ZNF568: variants seen among roughly 807,000 people sequenced by gnomAD.
The protein encoded by ZNF568 is p53 inhibitor of SCO2 activation.
In ZNF568, 11 loss-of-function variants were observed where a neutral mutation model predicts 18.1. The ratio of observed to expected loss-of-function variants is 0.61; its 90% CI spans 0.38 to 1.00. The LOEUF is 1.00. Ranked by LOEUF, ZNF568 falls within the 50% of genes least tolerant of loss-of-function variation. The pLI is 0.01. For missense variants in ZNF568, 639 were observed against 768.2 expected, an observed-to-expected ratio of 0.83 and a Z score of 1.99; for synonymous variants, 213 against 246.6, an observed-to-expected ratio of 0.86 and a Z score of 1.28.
intron 6 of ZNF568, among the ~76,000 whole-genome samples, chr19:36,969,144 C>A (rs2074217344): frequency 6.6e-6 from 1 of 152,122 alleles, no homozygotes; most frequent in Admixed American, 6.6e-5. Flanking sequence ...TGTGAGCCAC[C>A]ACACCCAGCC....
At chr19:36,917,064 T>C (rs2073351038) in intron 1 of ZNF568, among the ~76,000 whole-genome samples, 1 of 152,180 alleles carries the variant, frequency 6.6e-6, no homozygotes. Context: ...TGATAATAAT[T>C]ATGTCTAAAA....
intron 4 of ZNF568, among the ~76,000 whole-genome samples, chr19:36,926,586 G>A (rs1600771612): frequency 3.9e-5 from 6 of 151,998 alleles, no homozygotes; most frequent in Admixed American, 3.3e-4. Flanking sequence ...ATGTTGGGAG[G>A]GTTAAATACA....
chr19:36,991,580 AC>A, intron 3 of ZNF568: 1 of 639,548 alleles, frequency 1.6e-6, no homozygotes, highest in East Asian at 2.9e-5. Flanking sequence ...CATATTGCAA[AC>A]TTTTTTTCTA....
chr19:36,996,960 T>A lies in ZNF568; in HGVS notation c.873T>A (p.Tyr291Ter), dbSNP rs1216096527. 1 of 1,539,596 alleles carries A rather than the reference T, an allele frequency of 6.5e-7. No individual in the cohort carries two copies. The highest frequency in any genetic ancestry group is 8.7e-7 in the Non-Finnish European group (1 of 1,147,766). Residue 291 changes from tyrosine to a stop codon, truncating the protein, a stop_gained, in exon 5 of 5, where the codon TAT becomes TAA. Coordinates refer to the ZNF568 transcript ENST00000433993. LOFTEE classifies it low-confidence loss of function (END_TRUNC). ...GGATCCATACTGATGAGAAATACTA[T>A]GAAAGTAAGGCGTGTGGGAAGGCCT... is the stretch of plus-strand genomic sequence containing the variant.
intron 2 of ZNF568, among the ~76,000 whole-genome samples, chr19:36,989,807 A>G (rs1485871753): frequency 6.6e-6 from 1 of 151,952 alleles, no homozygotes; most frequent in East Asian, 1.9e-4. Context: ...TGGCCTCCCA[A>G]AGTGTTGGGA....
chr19:36,963,891 T>C (rs890360522), intron 6 of ZNF568, among the ~76,000 whole-genome samples: 1 of 151,176 alleles, frequency 6.6e-6, no homozygotes, highest in Non-Finnish European at 1.5e-5. Flanking sequence ...CGCTTGAACC[T>C]GGGAGGTGGA....
chr19:36,976,852 G>A (rs533863093), intron 7 of ZNF568, among the ~76,000 whole-genome samples: 15 of 152,192 alleles, frequency 9.9e-5, no homozygotes, highest in African/African-American at 3.6e-4. Context: ...AGAGGTTGTG[G>A]TGAGCCAAGA....
intron 4 of ZNF568, chr19:36,996,280 G>A: frequency 6.9e-7 from 1 of 1,453,914 alleles, no homozygotes; most frequent in Non-Finnish European, 9.1e-7. Flanking sequence ...CCTGCAATGT[G>A]AAAATACCTC....
intron 6 of ZNF568, among the ~76,000 whole-genome samples, chr19:36,972,708 C>T (rs1455261838): frequency 6.6e-6 from 1 of 152,246 alleles, no homozygotes; most frequent in African/African-American, 2.4e-5. Context: ...GTCGCCCTCT[C>T]CTGATCCACC....
Position 36,916,903 on chromosome 19 carries a change from G to T in ZNF568, c.-256+312G>T, listed in dbSNP as rs1314254557. 6.6e-6 allele frequency among the ~76,000 whole-genome samples: 1 copy of T among 152,004 alleles called. No individual in the cohort carries two copies. The highest frequency in any genetic ancestry group is 1.5e-5 in the Non-Finnish European group (1 of 67,998). On this transcript the variant is annotated intron_variant, in intron 1 of 6. Transcript: ENST00000333987. The surrounding 1 kb of genome is among the most constrained non-coding windows in gnomAD (Gnocchi z 5.3). ...TGTTTTCTACTGATCCTCCCTCCTT[G>T]TTGGCCACTCCTCTGTAGTCTTCTT... is the stretch of plus-strand genomic sequence containing the variant.
chr19:36,966,217 T>G (rs2074193673), intron 6 of ZNF568, among the ~76,000 whole-genome samples: 1 of 151,610 alleles, frequency 6.6e-6, no homozygotes, highest in South Asian at 2.1e-4. Context: ...ACTGGGGAGG[T>G]GGAGGTTGCG....
exon 3 of ZNF568, chr19:36,991,298 G>A (rs765652888): frequency 6.5e-7 from 1 of 1,532,888 alleles, no homozygotes; most frequent in South Asian, 1.2e-5. Context: ...TGGTCTTACT[G>A]GGTAACTTTA....
rs200089198 is a variant in ZNF568 at position 36,969,781 on chromosome 19, A to ATT, written c.359-4609_359-4608dup. Among the ~76,000 whole-genome samples, 82 of 77,110 alleles carry ATT rather than the reference A, an allele frequency of 1.1e-3. 2 individuals are homozygous for ATT. The highest frequency in any genetic ancestry group is 1.3e-3 in the Non-Finnish European group (52 of 40,758). The allele number at this position is 77,110 out of a possible 152,430, so 50.6% of individuals were successfully genotyped here. A position where few individuals can be genotyped will look rare whatever the true frequency, so the allele number is the denominator to read the frequency against. On this transcript the variant is annotated intron_variant, in intron 6 of 7. Transcript: ENST00000427117. ...TCCAGCATAATCTTCCCATCTCAAG[A>ATT]TTTTTTTTTTTTTTTTTTTTTTTTT... is the stretch of plus-strand genomic sequence containing the variant.
intron 4 of ZNF568, among the ~76,000 whole-genome samples, chr19:36,934,150 T>A (rs1038734782): frequency 1.3e-5 from 2 of 151,756 alleles, no homozygotes; most frequent in African/African-American, 4.8e-5. Flanking sequence ...ATTTTGAGTC[T>A]TCTTGTCAGT....
intron 2 of ZNF568, among the ~76,000 whole-genome samples, chr19:36,919,658 C>A (rs1192142806): frequency 6.6e-6 from 1 of 152,132 alleles, no homozygotes; most frequent in African/African-American, 2.4e-5. Flanking sequence ...GCTGTGTGGC[C>A]TGGTTCCTAA....
At chr19:36,934,312 TTTTTTTTTTTAA>T (rs200713601) in intron 4 of ZNF568, among the ~76,000 whole-genome samples, 3,619 of 150,540 alleles carry the variant, frequency 0.024, 152 homozygotes, top group African/African-American at 0.083. Flanking sequence ...ATCTTTTTTT[TTTTTTTTTTTAA>T]TTGAGGCAGA....
chr19:36,954,123 C>A (rs1308742519), downstream of ZNF568, among the ~76,000 whole-genome samples: 1 of 151,946 alleles, frequency 6.6e-6, no homozygotes, highest in Non-Finnish European at 1.5e-5. Flanking sequence ...ACTCAGGAGG[C>A]TGAGGCAGGA....
At position 36,942,395 on chromosome 19, in the gene ZNF568, C is replaced by T. The variant is rs926885871; in HGVS notation, c.358+5153C>T. On this transcript the variant is annotated intron_variant, in intron 6 of 6. Transcript: ENST00000333987. ...TGGGCAGATTATGAGGTCAGGAGAT[C>T]GAGACCATCCTGGCTAACATGGTGA... Among the ~76,000 whole-genome samples, 5 of 151,420 alleles carry T rather than the reference C, an allele frequency of 3.3e-5. No individual in the cohort carries two copies. The South Asian group carries it at 6.3e-4, about 19-fold the overall frequency.
chr19:36,997,039 C>T (rs2074481308), exon 5 of ZNF568: 2 of 1,563,622 alleles, frequency 1.3e-6, no homozygotes, highest in Non-Finnish European at 1.7e-6. Flanking sequence ...GGGTGAGAAA[C>T]CCCATAAATG....
Sources: allele counts gnomAD v4.1 joint callset (sites outside exome capture counted in the v4.1 genomes callset), GRCh38; gene constraint gnomAD v4.1.1; non-coding constraint Gnocchi (gnomAD v3.1); transcripts MANE v1.5; gene names NCBI Gene and HGNC (gene_info 2026-07-23, HGNC 2026-07-21).